CACNA2D1: variants seen among roughly 807,000 people sequenced by gnomAD.
The protein encoded by CACNA2D1 is calcium voltage-gated channel auxiliary subunit alpha2delta 1.
Under a neutral mutation model 171.5 loss-of-function variants are expected in CACNA2D1, and 53 were observed. The observed-to-expected ratio is 0.31, with a 90% CI of 0.25 to 0.39. The LOEUF (loss-of-function observed/expected upper bound fraction) is 0.39, where lower values mean the gene tolerates loss of function less well. Ranked by LOEUF, CACNA2D1 falls within the 10% of genes least tolerant of loss-of-function variation. The pLI is 1.00. For missense variants in CACNA2D1, 903 were observed against 1,299.8 expected (o/e 0.69, Z 4.69); for synonymous variants, 442 against 443.1 (o/e 1.00, Z 0.03).
At chr7:81,990,775 T>A (rs565430829) in intron 21 of CACNA2D1, among the ~76,000 whole-genome samples, 3 of 152,276 alleles carry the variant, frequency 2.0e-5, no homozygotes, top group East Asian at 1.9e-4. Flanking sequence ...GAACTGATAC[T>A]CATGGAGGTA....
chr7:82,336,157 T>C (rs1817968554), intron 2 of CACNA2D1, among the ~76,000 whole-genome samples: 1 of 152,132 alleles, frequency 6.6e-6, no homozygotes, highest in Non-Finnish European at 1.5e-5. Context: ...GTTTTTACTG[T>C]CTTATGAGAA....
chr7:82,138,206 T>G (rs938176071), intron 4 of CACNA2D1, among the ~76,000 whole-genome samples: 1 of 151,958 alleles, frequency 6.6e-6, no homozygotes, highest in South Asian at 2.1e-4. Flanking sequence ...ACCACGAGAC[T>G]GAAACTCTAA....
Position 81,959,241 on chromosome 7 carries a change from A to C in CACNA2D1, c.3159+34T>G, listed in dbSNP as rs746348479. 1.4e-5 allele frequency: 19 copies of C among 1,401,788 alleles called. 1 individual carries two copies. In the South Asian group the frequency reaches 2.2e-4, roughly 16 times the overall value. 86.8% of individuals were successfully genotyped at this position (1,401,788 alleles called of 1,614,324 possible). On this transcript the variant is annotated intron_variant, in intron 38 of 38. Transcript: ENST00000356860. Reference sequence around the variant, plus strand: ...TCTTGCGGACAGTGACCATTAATTTATAGTATTTTAATCCAGTAGAAGTGT... The same window carrying C: ...TCTTGCGGACAGTGACCATTAATTTCTAGTATTTTAATCCAGTAGAAGTGT...
intron 3 of CACNA2D1, among the ~76,000 whole-genome samples, chr7:82,259,225 TAGACAGAC>T (rs3055605): frequency 4.6e-5 from 7 of 151,396 alleles, no homozygotes; most frequent in African/African-American, 9.7e-5. Flanking sequence ...GAGAGATAAA[TAGACAGAC>T]AGACAGACAG....
intron 12 of CACNA2D1, among the ~76,000 whole-genome samples, chr7:82,021,936 C>A (rs1801265936): frequency 6.6e-6 from 1 of 151,890 alleles, no homozygotes; most frequent in Non-Finnish European, 1.5e-5. Flanking sequence ...TTAACACAAA[C>A]AATGGGCAAT....
rs1795809582 is a variant in CACNA2D1 at position 82,169,562 on chromosome 7, A to G, written c.354+988T>C. Among the ~76,000 whole-genome samples the G allele has an allele frequency of 2.0e-5, 3 of 152,186 alleles. No individual in the cohort carries two copies. In the South Asian group the frequency reaches 6.2e-4, roughly 31 times the overall value. On this transcript the variant is annotated intron_variant, in intron 4 of 38. Transcript: ENST00000356860. ...TTAGTGCATTTTCCTTTGATATTCA[A>G]CATAATCATAGAAACACAAAGAAGT...
intron 3 of CACNA2D1, among the ~76,000 whole-genome samples, chr7:82,210,293 CTATT>C (rs1261094020): frequency 6.6e-6 from 1 of 152,052 alleles, no homozygotes; most frequent in African/African-American, 2.4e-5. Context: ...CTCATTTACT[CTATT>C]TATTGGTCTG....
intron 4 of CACNA2D1, among the ~76,000 whole-genome samples, chr7:82,169,974 A>G (rs2129146838): frequency 6.6e-6 from 1 of 152,014 alleles, no homozygotes; most frequent in South Asian, 2.1e-4. Flanking sequence ...TTCATAAAAC[A>G]AGTTTATTAA....
chr7:82,150,857 G>GA lies in CACNA2D1; in HGVS notation c.355-14182dup, dbSNP rs770179533. The stretch of plus-strand genomic sequence containing the variant: ...AAAGAAAGGAAGGCTGTTGCAGAAG[G>GA]AAAAAAAATGAAATGGCTTCACACA... On this transcript the variant is annotated intron_variant, in intron 4 of 38. Coordinates refer to ENST00000356860, the MANE Select transcript of CACNA2D1 (RefSeq NM_000722.4). Among the ~76,000 whole-genome samples the GA allele has an allele frequency of 3.0e-4, 46 of 151,710 alleles. 1 individual carries two copies. Among genetic ancestry groups the GA allele is most frequent in the Non-Finnish European group, 5.5e-4 (37 of 67,832 alleles).
At chr7:82,316,442 C>A (rs1243855615) in intron 3 of CACNA2D1, among the ~76,000 whole-genome samples, 4 of 152,078 alleles carry the variant, frequency 2.6e-5, no homozygotes, top group Non-Finnish European at 5.9e-5. Flanking sequence ...AACTCTAATT[C>A]TCCTTTCTCT....
At position 82,388,038 on chromosome 7, in the gene CACNA2D1, G is replaced by A. The variant is rs567440670; in HGVS notation, c.96-38389C>T. The stretch of plus-strand genomic sequence containing the variant: ...GTTCAAGCTATTGCACTCCAGCCTG[G>A]GTGACAAAGTGAGACCCTGTCTCCA... On this transcript the variant is annotated intron_variant, in intron 1 of 38. Transcript: ENST00000356860. Among the ~76,000 whole-genome samples the A allele has an allele frequency of 2.7e-5, 4 of 150,588 alleles. No homozygotes were observed. In the South Asian group the frequency reaches 6.3e-4, roughly 24 times the overall value.
At chr7:82,128,479 A>C (rs1563088675) in intron 5 of CACNA2D1, among the ~76,000 whole-genome samples, 1 of 152,174 alleles carries the variant, frequency 6.6e-6, no homozygotes, top group African/African-American at 2.4e-5. Flanking sequence ...GAAGAGCATA[A>C]ACTTTCCCAC....
chr7:82,220,784 T>G (rs1479487631), intron 3 of CACNA2D1, among the ~76,000 whole-genome samples: 1 of 146,722 alleles, frequency 6.8e-6, no homozygotes. Flanking sequence ...CTTTTTTCTT[T>G]TTTTTTTTTT....
At chr7:82,297,103 C>T (rs1812394388) in intron 3 of CACNA2D1, among the ~76,000 whole-genome samples, 1 of 99,780 alleles carries the variant, frequency 1.0e-5, no homozygotes, top group South Asian at 3.2e-4. Context: ...AAAAATTAGC[C>T]AGGTATGGTG....
At chr7:82,376,185 A>C (rs534246729) in intron 1 of CACNA2D1, among the ~76,000 whole-genome samples, 2 of 152,344 alleles carry the variant, frequency 1.3e-5, no homozygotes, top group East Asian at 1.9e-4. Context: ...TTTTTAAATT[A>C]CTAGGAGCTT....
intron 4 of CACNA2D1, among the ~76,000 whole-genome samples, chr7:82,148,890 G>A (rs1214386464): frequency 6.6e-6 from 1 of 152,156 alleles, no homozygotes; most frequent in East Asian, 1.9e-4. Context: ...ACTCACCTCA[G>A]CCTCCCAAAA....
At chr7:82,005,237 G>T (rs1026873072) in intron 18 of CACNA2D1, 186 bp downstream of exon 18, 1 of 552,834 alleles carries the variant, frequency 1.8e-6, no homozygotes, top group Non-Finnish European at 3.3e-6. Context: ...AACAGAAAAT[G>T]AAAACTGCTT....
intron 3 of CACNA2D1, among the ~76,000 whole-genome samples, chr7:82,260,960 T>G (rs2129331710): frequency 6.6e-6 from 1 of 152,096 alleles, no homozygotes; most frequent in East Asian, 1.9e-4. Context: ...CCACCTTTTT[T>G]TTTTTTCTTC....
chr7:82,060,244 A>ATTATATATATAT (rs1806678009), intron 10 of CACNA2D1, among the ~76,000 whole-genome samples, 184 bp downstream of exon 10: 2 of 84,890 alleles, frequency 2.4e-5, no homozygotes, highest in South Asian at 4.0e-4. Context: ...TAATATGTAT[A>ATTATATATATAT]AAAAACCTTA....
Sources: allele counts gnomAD v4.1 joint callset (sites outside exome capture counted in the v4.1 genomes callset), GRCh38; gene constraint gnomAD v4.1.1; transcripts MANE v1.5; gene names NCBI Gene and HGNC (gene_info 2026-07-23, HGNC 2026-07-21).